RIPOR2: variants seen among roughly 807,000 people sequenced by gnomAD.
RIPOR2 encodes the protein rho family-interacting cell polarization regulator 2.
In RIPOR2, 39 loss-of-function variants were observed where a neutral mutation model predicts 114.5. The observed-to-expected ratio is 0.34, with a 90% CI of 0.26 to 0.44. The LOEUF (loss-of-function observed/expected upper bound fraction) is 0.44, where lower values mean the gene tolerates loss of function less well. Among genes scored for constraint, RIPOR2 ranks in the 20% least tolerant of loss-of-function variants. The pLI is 1.00. For missense variants in RIPOR2, 1,007 were observed against 1,255.1 expected (o/e 0.80, Z 2.99); for synonymous variants, 445 against 484.4 (o/e 0.92, Z 1.07).
At position 24,986,895 on chromosome 6, in the gene RIPOR2, G is replaced by A. The variant is rs371418155; in HGVS notation, c.76+54956C>T. On this transcript the variant is annotated intron_variant, in intron 1 of 13. Transcript: ENST00000510784. Reference sequence around the variant, plus strand: ...GTCTTGGGCCACACATAAAATACACGAACACTAATGGTAGCTGATGAGCTA... The same window carrying A: ...GTCTTGGGCCACACATAAAATACACAAACACTAATGGTAGCTGATGAGCTA... Among the ~76,000 whole-genome samples, 10 of 150,082 alleles carry A rather than the reference G, an allele frequency of 6.7e-5. No individual in the cohort carries two copies. In the East Asian group the frequency reaches 1.6e-3, roughly 23 times the overall value.
At chr6:24,914,609 C>T (rs1329205430) in intron 1 of RIPOR2, among the ~76,000 whole-genome samples, 1 of 152,180 alleles carries the variant, frequency 6.6e-6, no homozygotes, top group Non-Finnish European at 1.5e-5. Context: ...TTCAGCAGCA[C>T]TGAAAATGGC....
chr6:24,865,304 T>C lies in RIPOR2; in HGVS notation c.648A>G (p.Thr216=). Residue 216 remains threonine, a synonymous_variant, in exon 7 of 22, where the codon ACA becomes ACG. Transcript: ENST00000643898. ...TEINRSFKEY[T]ENMCTIEVEL... ...TAAGCAGGTTAGGGAGTTATACCTC[T>C]GTGTACTCCTTGAAGCTCCGATTGA... 2 of 1,612,156 alleles carry C rather than the reference T, an allele frequency of 1.2e-6. No homozygotes were observed. Among genetic ancestry groups the C allele is most frequent in the Non-Finnish European group, 1.7e-6 (2 of 1,178,818 alleles).
intron 12 of RIPOR2, chr6:24,847,462 T>TA: frequency 7.0e-7 from 1 of 1,427,916 alleles, no homozygotes; most frequent in Non-Finnish European, 9.6e-7. Context: ...ACAGAGAAGA[T>TA]AAAACAAGAG....
At chr6:25,039,824 A>G (rs1020691450) in intron 1 of RIPOR2, among the ~76,000 whole-genome samples, 2 of 152,248 alleles carry the variant, frequency 1.3e-5, no homozygotes, top group Non-Finnish European at 2.9e-5. Flanking sequence ...TAAAAGAAAC[A>G]TGATCAAGAA....
In RIPOR2 at chr6:24,825,535, C is replaced by G. The variant is rs1455024573; in HGVS notation, c.2666-107G>C. The G allele has an allele frequency of 4.0e-6, 3 of 741,846 alleles. No homozygotes were observed. In the South Asian group the frequency reaches 5.4e-5, roughly 13 times the overall value. 46.0% of individuals were successfully genotyped at this position (741,846 alleles called of 1,614,324 possible). A position where few individuals can be genotyped will look rare whatever the true frequency, so the allele number is the denominator to read the frequency against. On this transcript the variant is annotated intron_variant, in intron 18 of 21. Coordinates refer to ENST00000643898, the MANE Select transcript of RIPOR2 (RefSeq NM_001286445.3). Reference sequence around the variant, plus strand: ...TACATAAGAAAGTATAGTATAGTAACTCCAATACATATGAAAAATTAGCAT... The same window carrying G: ...TACATAAGAAAGTATAGTATAGTAAGTCCAATACATATGAAAAATTAGCAT...
chr6:24,898,033 AGAAGGAAG>A lies in RIPOR2; in HGVS notation c.62-22224_62-22217del, dbSNP rs374743789. On this transcript the variant is annotated intron_variant, in intron 1 of 21. Transcript: ENST00000643898. ...AGCCAGACCCTGAAGAAAGAAAGAA[AGAAGGAAG>A]GAAGGAAGGAAGGAAAGAAGGAAGG... is the stretch of plus-strand genomic sequence containing the variant. Among the ~76,000 whole-genome samples, 126 of 151,794 alleles carry A rather than the reference AGAAGGAAG, an allele frequency of 8.3e-4. 1 individual carries two copies. Among genetic ancestry groups the A allele is most frequent in the African/African-American group, 2.9e-3 (121 of 41,338 alleles).
chr6:24,819,483 C>G (rs183131773), intron 19 of RIPOR2, among the ~76,000 whole-genome samples: 1 of 151,220 alleles, frequency 6.6e-6, no homozygotes, highest in Non-Finnish European at 1.5e-5. Context: ...CAAATGAATG[C>G]TCTGTTTAAA....
At chr6:25,036,362 C>T (rs1382013361) in intron 1 of RIPOR2, among the ~76,000 whole-genome samples, 1 of 152,122 alleles carries the variant, frequency 6.6e-6, no homozygotes, top group Non-Finnish European at 1.5e-5. Flanking sequence ...CATCAAAGCT[C>T]TACCTAACAG....
At chr6:24,956,600 T>C (rs982844411) in intron 1 of RIPOR2, among the ~76,000 whole-genome samples, 7 of 152,230 alleles carry the variant, frequency 4.6e-5, no homozygotes, top group Non-Finnish European at 1.0e-4. Flanking sequence ...CCCCACTTTC[T>C]AGATGAGGAA....
chr6:24,818,577 G>A lies in RIPOR2; in HGVS notation c.2917C>T (p.Gln973Ter). The A allele has an allele frequency of 6.4e-7, 1 of 1,550,390 alleles. No homozygotes were observed. The highest frequency in any genetic ancestry group is 8.7e-7 in the Non-Finnish European group (1 of 1,146,130). ...TTCAGAGCCAGGCAAGCTGCTTTCTGGAGCTGGAGGTTTGTCTTTGTTAGT... is the reference window on the plus strand; with the variant it reads ...TTCAGAGCCAGGCAAGCTGCTTTCTAGAGCTGGAGGTTTGTCTTTGTTAGT... The part of the protein sequence containing the change: ...EALTKTNLQL[Q>*]KAACLALKIL... The change falls in exon 20 of 22, where the codon CAG becomes TAG. Residue 973 changes from glutamine (Q) to a stop codon, truncating the protein, a stop_gained. Transcript: ENST00000643898. LOFTEE classifies it high-confidence loss of function.
chr6:24,959,971 A>G (rs1773229311), intron 1 of RIPOR2, among the ~76,000 whole-genome samples: 2 of 152,266 alleles, frequency 1.3e-5, no homozygotes, highest in East Asian at 3.9e-4. Flanking sequence ...TTCCTATAAC[A>G]CAGGTGATGT....
intron 1 of RIPOR2, among the ~76,000 whole-genome samples, chr6:24,900,824 T>G (rs1768372914): frequency 1.3e-5 from 2 of 152,100 alleles, no homozygotes; most frequent in African/African-American, 4.8e-5. Context: ...CATTTATGTG[T>G]TGTTGTTGTT....
chr6:24,913,109 G>T (rs1284302048), intron 1 of RIPOR2, among the ~76,000 whole-genome samples: 1 of 151,976 alleles, frequency 6.6e-6, no homozygotes, highest in Non-Finnish European at 1.5e-5. Context: ...GGGCTGAGGG[G>T]TATCTTGCTG....
At chr6:24,976,218 T>C (rs779756125) in intron 1 of RIPOR2, among the ~76,000 whole-genome samples, 46 of 152,226 alleles carry the variant, frequency 3.0e-4, no homozygotes, top group Non-Finnish European at 4.8e-4. Context: ...TTATTTATAA[T>C]GACAAAAATT....
intron 9 of RIPOR2, among the ~76,000 whole-genome samples, chr6:24,851,340 C>G (rs1379053188): frequency 1.3e-5 from 2 of 152,130 alleles, no homozygotes; most frequent in Non-Finnish European, 2.9e-5. Flanking sequence ...AATAGAGCAG[C>G]CACACAACCC....
chr6:25,039,644 C>T (rs531081168), intron 1 of RIPOR2, among the ~76,000 whole-genome samples: 4 of 152,072 alleles, frequency 2.6e-5, no homozygotes, highest in African/African-American at 4.8e-5. Context: ...GAGTATAGGC[C>T]GACTTCCCAT....
chr6:24,827,799 A>C (rs1267425372), intron 18 of RIPOR2, among the ~76,000 whole-genome samples: 1 of 152,162 alleles, frequency 6.6e-6, no homozygotes, highest in Non-Finnish European at 1.5e-5. Flanking sequence ...CCTCACCAAA[A>C]AGGGCAATAT....
Position 24,843,493 on chromosome 6 carries a change from G to A in RIPOR2, c.1226C>T (p.Ser409Leu), listed in dbSNP as rs918460956. The A allele has an allele frequency of 8.3e-6, 13 of 1,563,718 alleles. No homozygotes were observed. The highest frequency in any genetic ancestry group is 3.8e-5 in the Admixed American group (2 of 52,964). The change falls in exon 13 of 22, where the codon TCG becomes TTG. Residue 409 changes from serine to leucine, a missense_variant. Ser to Leu is a moderately radical substitution (Grantham distance 145). Coordinates refer to ENST00000643898, the MANE Select transcript of RIPOR2 (RefSeq NM_001286445.3). Reference protein sequence around the residue: ...GKAAEEKMPLSLSFSDLPNGD... With the variant: ...GKAAEEKMPLLLSFSDLPNGD... ...GTTGGGCAGGTCACTGAAGCTGAGCGACAGTGGCATTTTCTCCTCGGCTGC... is the reference window on the plus strand; with the variant it reads ...GTTGGGCAGGTCACTGAAGCTGAGCAACAGTGGCATTTTCTCCTCGGCTGC...
chr6:24,882,632 T>C (rs747079443), intron 1 of RIPOR2, among the ~76,000 whole-genome samples: 8 of 152,224 alleles, frequency 5.3e-5, no homozygotes, highest in Non-Finnish European at 1.2e-4. Flanking sequence ...AGAAGAACCA[T>C]ACCGTTTGTA....
Sources: allele counts gnomAD v4.1 joint callset (sites outside exome capture counted in the v4.1 genomes callset), GRCh38; gene constraint gnomAD v4.1.1; transcripts MANE v1.5; gene names NCBI Gene and HGNC (gene_info 2026-07-23, HGNC 2026-07-21).